Variants in MACROD2 observed in about 807,000 individuals in gnomAD.
MACROD2 encodes mono-ADP ribosylhydrolase 2.
Under a neutral mutation model 70.4 loss-of-function variants are expected in MACROD2, and 36 were observed. That is an observed-to-expected ratio of 0.51 (90% CI 0.39 to 0.68). The LOEUF (loss-of-function observed/expected upper bound fraction) is 0.68, where lower values mean the gene tolerates loss of function less well. Ranked by LOEUF, MACROD2 falls within the 30% of genes least tolerant of loss-of-function variation. The probability of loss-of-function intolerance (pLI) is 0.00; values close to 1 mark genes in which losing one functional copy is unlikely to be tolerated. For missense variants in MACROD2, 496 were observed against 538.4 expected, an observed-to-expected ratio of 0.92 and a Z score of 0.78; for synonymous variants, 172 against 178.8, an observed-to-expected ratio of 0.96 and a Z score of 0.30.
intron 5 of MACROD2, among the ~76,000 whole-genome samples, chr20:15,032,329 C>T (rs867473208): frequency 6.6e-6 from 1 of 152,234 alleles, no homozygotes; most frequent in Non-Finnish European, 1.5e-5. Flanking sequence ...TCCTGGCCCC[C>T]GTCGGCTCCG....
intron 6 of MACROD2, among the ~76,000 whole-genome samples, chr20:15,419,495 C>A (rs572761810): frequency 6.6e-6 from 1 of 152,198 alleles, no homozygotes; most frequent in Non-Finnish European, 1.5e-5. Context: ...TCCTCCAGAG[C>A]TCCTGCAATC....
At chr20:15,886,306 C>T (rs1307224355) in intron 10 of MACROD2, among the ~76,000 whole-genome samples, 2 of 152,134 alleles carry the variant, frequency 1.3e-5, no homozygotes, top group African/African-American at 4.8e-5. Context: ...TCATGGCCAC[C>T]TTTATGTGGC....
intron 8 of MACROD2, among the ~76,000 whole-genome samples, chr20:15,681,590 G>A (rs961920932): frequency 1.3e-5 from 2 of 152,206 alleles, no homozygotes; most frequent in African/African-American, 2.4e-5. Context: ...TCAGGTGTAT[G>A]AACCAGTGCT....
At position 14,731,259 on chromosome 20, in the gene MACROD2, G is replaced by T. The variant is rs565761266; in HGVS notation, c.418+46300G>T. ...TTTGCTGGCCTACCTGGGAGGAAAC[G>T]TGCCTGTCCTGAGTTCATGCTGCCC... On this transcript the variant is annotated intron_variant, in intron 5 of 17. Transcript: ENST00000684519. Among the ~76,000 whole-genome samples, 86 of 152,224 alleles carry T rather than the reference G, an allele frequency of 5.6e-4. 2 individuals carry two copies. The highest frequency in any genetic ancestry group is 3.7e-3 in the South Asian group (18 of 4,830).
chr20:14,891,454 G>A (rs1322469772), intron 5 of MACROD2, among the ~76,000 whole-genome samples: 1 of 152,122 alleles, frequency 6.6e-6, no homozygotes, highest in Non-Finnish European at 1.5e-5. Context: ...TGTTATGTAT[G>A]CATGGCTTCC....
intron 3 of MACROD2, among the ~76,000 whole-genome samples, chr20:14,146,790 G>A (rs1448035880): frequency 6.6e-6 from 1 of 152,162 alleles, no homozygotes; most frequent in Admixed American, 6.5e-5. Flanking sequence ...CAGACATCAA[G>A]AGGTTAAAGT....
Position 15,922,319 on chromosome 20 carries a change from A to T in MACROD2, c.776-10957A>T, listed in dbSNP as rs78681485. ...TACATTTTTCAGAAGCCACATTTAT[A>T]AAAAAGGTGATATTAATTTTAACAC... On this transcript the variant is annotated intron_variant, in intron 10 of 17. Coordinates refer to ENST00000684519, the MANE Select transcript of MACROD2 (RefSeq NM_001351661.2). 2.6e-5 allele frequency among the ~76,000 whole-genome samples: 4 copies of T among 152,324 alleles called. No homozygotes were observed. The East Asian group carries it at 7.7e-4, about 29-fold the overall frequency.
intron 8 of MACROD2, among the ~76,000 whole-genome samples, chr20:15,680,498 T>G (rs1398116208): frequency 1.3e-5 from 2 of 152,034 alleles, no homozygotes; most frequent in Non-Finnish European, 2.9e-5. Context: ...AGCACAAAAT[T>G]GAGAGAAAAA....
chr20:15,271,381 C>T (rs1269848649), intron 6 of MACROD2, among the ~76,000 whole-genome samples: 1 of 152,184 alleles, frequency 6.6e-6, no homozygotes, highest in African/African-American at 2.4e-5. Flanking sequence ...CCTCCTAATA[C>T]CATCAACTTG....
intron 3 of MACROD2, among the ~76,000 whole-genome samples, chr20:14,274,064 G>T (rs1487523051): frequency 6.6e-6 from 1 of 152,142 alleles, no homozygotes; most frequent in Non-Finnish European, 1.5e-5. Context: ...TCTACCAGAG[G>T]TACAAAGAGG....
Position 15,227,836 on chromosome 20 carries a change from T to TTTTTTTG in MACROD2, c.419-2098_419-2097insGTTTTTT, listed in dbSNP as rs11474386. ...AGAATTTCACCTGTTTTTTTTTTTT[T>TTTTTTTG]TTTTTTTTTTTTTCAAATTTAATTG... On this transcript the variant is annotated intron_variant, in intron 5 of 17. Transcript: ENST00000684519. Among the ~76,000 whole-genome samples the TTTTTTTG allele has an allele frequency of 2.2e-3, 280 of 124,656 alleles. 18 individuals carry two copies. The highest frequency in any genetic ancestry group is 8.5e-3 in the African/African-American group (269 of 31,718). The allele number at this position is 124,656 out of a possible 152,430, so 81.8% of individuals were successfully genotyped here.
At chr20:15,471,013 A>G (rs2046957740) in intron 7 of MACROD2, among the ~76,000 whole-genome samples, 1 of 151,982 alleles carries the variant, frequency 6.6e-6, no homozygotes, top group Non-Finnish European at 1.5e-5. Flanking sequence ...TCCTTCATCC[A>G]TCTTGGATCC....
intron 5 of MACROD2, among the ~76,000 whole-genome samples, chr20:15,204,714 A>G (rs1030996461): frequency 1.3e-5 from 2 of 152,164 alleles, no homozygotes; most frequent in African/African-American, 2.4e-5. Flanking sequence ...GATTGTGCCT[A>G]TAAATTCAGA....
At chr20:15,774,504 G>A (rs1440948874) in intron 8 of MACROD2, among the ~76,000 whole-genome samples, 1 of 152,104 alleles carries the variant, frequency 6.6e-6, no homozygotes, top group Non-Finnish European at 1.5e-5. Flanking sequence ...AGATTCTGAT[G>A]GGTCCAAATT....
intron 5 of MACROD2, among the ~76,000 whole-genome samples, chr20:14,829,265 G>T (rs142251090): frequency 6.6e-6 from 1 of 151,204 alleles, no homozygotes; most frequent in Non-Finnish European, 1.5e-5. Context: ...AAGTAGCTGG[G>T]ACTACAGGTG....
rs573436279 is a variant in MACROD2 at position 14,292,899 on chromosome 20, T to G, written c.272-200580T>G. Among the ~76,000 whole-genome samples, 43 of 152,026 alleles carry G rather than the reference T, an allele frequency of 2.8e-4. No homozygotes were observed. The South Asian group carries it at 5.6e-3, about 20-fold the overall frequency. The stretch of plus-strand genomic sequence containing the variant: ...ATCCGCCTGCCTTGGCCTCCCAAAG[T>G]GCTGGGATTACAGGCATGAGCCACA... On this transcript the variant is annotated intron_variant, in intron 3 of 17. Coordinates refer to ENST00000684519, the MANE Select transcript of MACROD2 (RefSeq NM_001351661.2).
intron 5 of MACROD2, among the ~76,000 whole-genome samples, chr20:14,919,229 C>G (rs1228121282): frequency 1.3e-5 from 2 of 152,174 alleles, no homozygotes; most frequent in African/African-American, 2.4e-5. Context: ...TTCGTTTTCT[C>G]CTGGAACTGT....
rs370918718 is a variant in MACROD2 at position 15,116,792 on chromosome 20, G to A, written c.419-113148G>A. Among the ~76,000 whole-genome samples, 5 of 152,198 alleles carry A rather than the reference G, an allele frequency of 3.3e-5. No individual in the cohort carries two copies. In the East Asian group the frequency reaches 9.6e-4, roughly 29 times the overall value. On this transcript the variant is annotated intron_variant, in intron 5 of 17. Coordinates refer to ENST00000684519, the MANE Select transcript of MACROD2 (RefSeq NM_001351661.2). ...ATTGAAAGTTTATGTTATCCATAAA[G>A]CTTCTGGTCAACAGCAGGCTATTAG... is the stretch of plus-strand genomic sequence containing the variant.
chr20:14,154,574 TTTTTTTTTTTTGG>T (rs2055070736), intron 3 of MACROD2, among the ~76,000 whole-genome samples: 1 of 87,676 alleles, frequency 1.1e-5, no homozygotes, highest in African/African-American at 4.4e-5. Flanking sequence ...TTTTTTTTTT[TTTTTTTTTTTTGG>T]ATTTTTAGTA....
Sources: allele counts gnomAD v4.1 joint callset (sites outside exome capture counted in the v4.1 genomes callset), GRCh38; gene constraint gnomAD v4.1.1; transcripts MANE v1.5; gene names NCBI Gene and HGNC (gene_info 2026-07-23, HGNC 2026-07-21).